The following MTRES1 variants were observed in gnomAD, a reference collection of about 807,000 sequenced individuals.
MTRES1 encodes uncharacterized protein C6orf203.
A neutral mutation model predicts 17.4 loss-of-function variants in MTRES1; 11 were observed. The observed-to-expected ratio is 0.63, with a 90% CI of 0.40 to 1.05. The LOEUF (loss-of-function observed/expected upper bound fraction) is 1.05, where lower values mean the gene tolerates loss of function less well. MTRES1 is among the 50% of genes least tolerant of loss of function. The pLI, the probability that MTRES1 is intolerant of heterozygous loss-of-function variation, is 0.00. For missense variants in MTRES1, 268 were observed against 276.2 expected, an observed-to-expected ratio of 0.97 and a Z score of 0.21; for synonymous variants, 94 against 99.6, an observed-to-expected ratio of 0.94 and a Z score of 0.34.
At chr6:107,044,393 A>G in intron 3 of MTRES1, 61 bp downstream of exon 3, 2 of 1,351,348 alleles carry the variant, frequency 1.5e-6, no homozygotes, top group Non-Finnish European at 2.1e-6. Context: ...CTAGTAACTC[A>G]ATTAATGCTG....
chr6:107,042,339 C>CAAAAA (rs58406771), intron 2 of MTRES1, among the ~76,000 whole-genome samples: 56 of 98,612 alleles, frequency 5.7e-4, no homozygotes, highest in East Asian at 3.6e-3. Flanking sequence ...GACTCCGTCT[C>CAAAAA]AAAAAAAAAA....
intron 2 of MTRES1, 132 bp downstream of exon 2, chr6:107,040,362 C>G (rs547912868): frequency 2.8e-6 from 2 of 707,732 alleles, no homozygotes; most frequent in East Asian, 3.2e-5. Context: ...TAACCTGTTT[C>G]AATTATTTCA....
Position 107,051,367 on chromosome 6 carries a change from T to A in MTRES1, c.*131T>A. On this transcript the variant is annotated 3_prime_UTR_variant, in exon 4 of 4. Transcript: ENST00000311381. The stretch of plus-strand genomic sequence containing the variant: ...ATCTGCCGAGCCATTTTGTGGAAAT[T>A]GGGATCCATATCTGGAGACACTTCC... 1 of 810,244 alleles carries A rather than the reference T, an allele frequency of 1.2e-6. No homozygotes were observed. Among genetic ancestry groups the A allele is most frequent in the South Asian group, 1.8e-5 (1 of 54,374 alleles). The allele number at this position is 810,244 out of a possible 1,614,324, so 50.2% of individuals were successfully genotyped here.
At chr6:107,037,311 C>T (rs1554227053) in intron 1 of MTRES1, among the ~76,000 whole-genome samples, 3 of 152,266 alleles carry the variant, frequency 2.0e-5, no homozygotes, top group African/African-American at 7.2e-5. Flanking sequence ...CTCAAGTGAT[C>T]TGCCCGCCTC....
chr6:107,048,881 C>T (rs1774491791), intron 3 of MTRES1, among the ~76,000 whole-genome samples: 2 of 149,242 alleles, frequency 1.3e-5, no homozygotes, highest in African/African-American at 4.9e-5. Context: ...ATCCCTCAAA[C>T]CCAAGGGGAG....
chr6:107,036,189 A>G (rs1437669335), intron 1 of MTRES1, among the ~76,000 whole-genome samples: 2 of 152,166 alleles, frequency 1.3e-5, no homozygotes, highest in Admixed American at 1.3e-4. Flanking sequence ...CTAGACCCAC[A>G]GTGAGAAAAA....
intron 1 of MTRES1, among the ~76,000 whole-genome samples, chr6:107,031,041 A>C (rs1762696): frequency 0.8 from 121,776 of 152,066 alleles, 50,302 homozygotes; most frequent in Non-Finnish European, 0.91. Context: ...TGAATGTAGA[A>C]GAGAAGAGGA....
chr6:107,041,363 C>T (rs1188888508), intron 2 of MTRES1, among the ~76,000 whole-genome samples: 2 of 72,660 alleles, frequency 2.8e-5, no homozygotes, highest in African/African-American at 7.3e-5. Flanking sequence ...ATGACAGAAC[C>T]TAGTTTAGAG....
intron 2 of MTRES1, among the ~76,000 whole-genome samples, chr6:107,043,829 T>TA (rs1239828031): frequency 7.5e-4 from 114 of 151,994 alleles, no homozygotes; most frequent in Non-Finnish European, 5.2e-4. Flanking sequence ...ACTTTACCTT[T>TA]AAAAAAAATA....
chr6:107,051,412 AC>A lies in MTRES1; in HGVS notation c.*181del. On this transcript the variant is annotated 3_prime_UTR_variant, in exon 4 of 4. Transcript: ENST00000311381. ...ACTTCCCAAGGCCTGCCTCACCTCC[AC>A]CCCCTGCCCACCTTGATCCATGCTC... The A allele has an allele frequency of 3.6e-6, 2 of 555,926 alleles. No homozygotes were observed. The highest frequency in any genetic ancestry group is 2.2e-5 in the South Asian group (1 of 46,362). The allele number at this position is 555,926 out of a possible 1,614,324, so 34.4% of individuals were successfully genotyped here. A position where few individuals can be genotyped will look rare whatever the true frequency, so the allele number is the denominator to read the frequency against.
At chr6:107,029,496 GTT>G (rs558351343) in intron 1 of MTRES1, among the ~76,000 whole-genome samples, 2 of 126,526 alleles carry the variant, frequency 1.6e-5, no homozygotes, top group South Asian at 2.5e-4. Context: ...CTGTTTTGTT[GTT>G]TTTTTTTTTG....
chr6:107,051,250 T>C lies in MTRES1; in HGVS notation c.*14T>C, dbSNP rs1554229211. 1 of 1,604,750 alleles carries C rather than the reference T, an allele frequency of 6.2e-7. No individual in the cohort carries two copies. The highest frequency in any genetic ancestry group is 8.5e-7 in the Non-Finnish European group (1 of 1,174,332). ...ATGTCTAAATAAATGGATTGCTTTT[T>C]AGCAATAGAGCTGCTTTCTAGTGGT... is the stretch of plus-strand genomic sequence containing the variant. On this transcript the variant is annotated 3_prime_UTR_variant, in exon 4 of 4. Coordinates refer to ENST00000311381, the MANE Select transcript of MTRES1 (RefSeq NM_016487.5).
chr6:107,034,670 C>T (rs773533720), intron 1 of MTRES1, among the ~76,000 whole-genome samples: 3 of 152,106 alleles, frequency 2.0e-5, no homozygotes, highest in South Asian at 2.1e-4. Context: ...GCCTGGCCCA[C>T]GGTGAAAACA....
At position 107,051,065 on chromosome 6, in the gene MTRES1, G is replaced by A. The variant is rs1376726738; in HGVS notation, c.552G>A (p.Val184=). 1.9e-6 allele frequency: 3 copies of A among 1,608,074 alleles called. No homozygotes were observed. The highest frequency in any genetic ancestry group is 4.5e-5 in the East Asian group (2 of 44,846). Reference sequence around the variant, plus strand: ...TTTCTTTTAATTTTCAGGTGAAAGTGGGAGATACATTGGATCTTCTCATTG... The same window carrying A: ...TTTCTTTTAATTTTCAGGTGAAAGTAGGAGATACATTGGATCTTCTCATTG... ...KLWKKSRTVK[V]GDTLDLLIGE... Residue 184 remains valine (V), a synonymous_variant, in exon 4 of 4, where the codon GTG becomes GTA. Transcript: ENST00000311381.
chr6:107,044,298 T>C lies in MTRES1; in HGVS notation c.509T>C (p.Leu170Pro), dbSNP rs1554228154. 1.9e-6 allele frequency: 3 copies of C among 1,614,000 alleles called. No individual in the cohort carries two copies. Among genetic ancestry groups the C allele is most frequent in the South Asian group, 1.1e-5 (1 of 91,074 alleles). Residue 170 changes from leucine to proline, a missense_variant, in exon 3 of 4, where the codon CTG becomes CCG. By Grantham distance (98) the Leu-to-Pro change is moderately conservative. Coordinates refer to ENST00000311381, the MANE Select transcript of MTRES1 (RefSeq NM_016487.5). ...GCTTTCTACAAAGGTGAACTCAGGC[T>C]GAATGAGGAAAAATTATGGAAGAAA... ...EDAFYKGELR[L>P]NEEKLWKKSR...
intron 2 of MTRES1, among the ~76,000 whole-genome samples, chr6:107,041,101 C>A (rs1774194824): frequency 6.6e-6 from 1 of 150,808 alleles, no homozygotes; most frequent in Non-Finnish European, 1.5e-5. Context: ...TGGCAGGCGC[C>A]TGTAGTCCCA....
chr6:107,036,078 G>C (rs1258715758), intron 1 of MTRES1, among the ~76,000 whole-genome samples: 3 of 151,848 alleles, frequency 2.0e-5, no homozygotes, highest in Non-Finnish European at 4.4e-5. Flanking sequence ...TGACTTTTGG[G>C]GGGGCATCTA....
At chr6:107,049,974 G>C (rs1774538847) in intron 3 of MTRES1, among the ~76,000 whole-genome samples, 1 of 152,164 alleles carries the variant, frequency 6.6e-6, no homozygotes. Context: ...ACCCACCTTG[G>C]CCTCCCAAAG....
rs1774599446 is a variant in MTRES1 at position 107,051,321 on chromosome 6, AG to A, written c.*86del. 1 of 1,217,456 alleles carries A rather than the reference AG, an allele frequency of 8.2e-7. No homozygotes were observed. Among genetic ancestry groups the A allele is most frequent in the Admixed American group, 2.4e-5 (1 of 42,424 alleles). 75.4% of individuals were successfully genotyped at this position (1,217,456 alleles called of 1,614,324 possible). A position where few individuals can be genotyped will look rare whatever the true frequency, so the allele number is the denominator to read the frequency against. ...AAATAGGACATTTTTATTAAAATAAAGTTCTCTTAGCGTTTGTGGAATCTGC... is the reference window on the plus strand; with the variant it reads ...AAATAGGACATTTTTATTAAAATAAATTCTCTTAGCGTTTGTGGAATCTGC... On this transcript the variant is annotated 3_prime_UTR_variant, in exon 4 of 4. Coordinates refer to ENST00000311381, the MANE Select transcript of MTRES1 (RefSeq NM_016487.5).
Sources: gnomAD v4.1 joint callset for allele counts (sites outside exome capture counted in the v4.1 genomes callset) on GRCh38, gnomAD v4.1.1 for gene constraint, MANE v1.5 for transcripts, NCBI Gene and HGNC (gene_info 2026-07-23, HGNC 2026-07-21) for gene names.